MAF: variants seen among roughly 807,000 people sequenced by gnomAD.
MAF encodes MAF bZIP transcription factor.
In MAF, 10 loss-of-function variants were observed where a neutral mutation model predicts 22.0. That is an observed-to-expected ratio of 0.45 (90% confidence interval 0.28 to 0.77). The LOEUF (loss-of-function observed/expected upper bound fraction) is 0.77. Among genes scored for constraint, MAF ranks in the 30% least tolerant of loss-of-function variants. The pLI is 0.12. For missense variants in MAF, 544 were observed against 548.4 expected (o/e 0.99, Z 0.08); for synonymous variants, 337 against 255.8 (o/e 1.32, Z -3.03).
At chr16:79,526,497 G>T in the MAF span, among the ~76,000 whole-genome samples, 6 of 152,174 alleles carry the variant, frequency 3.9e-5, no homozygotes, top group Non-Finnish European at 8.8e-5. Flanking sequence ...AAGGTCAGTG[G>T]CTGGGGGTTA....
the MAF span, among the ~76,000 whole-genome samples, chr16:79,373,168 C>T: frequency 6.6e-6 from 1 of 151,916 alleles, no homozygotes; most frequent in South Asian, 2.1e-4. Flanking sequence ...TTAATAGCAC[C>T]TAGTAGCATA....
downstream of MAF, among the ~76,000 whole-genome samples, chr16:79,590,467 G>C (rs537308114): frequency 1.3e-5 from 2 of 152,188 alleles, no homozygotes; most frequent in Non-Finnish European, 1.5e-5. Context: ...TCTGCCACTT[G>C]TTGGCCTGAG....
chr16:79,356,676 C>G, the MAF span, among the ~76,000 whole-genome samples: 1 of 152,306 alleles, frequency 6.6e-6, no homozygotes, highest in East Asian at 1.9e-4. Flanking sequence ...ACACTTCCCC[C>G]CACTTTCCAC....
At chr16:79,293,936 A>G in the MAF span, among the ~76,000 whole-genome samples, 3 of 151,854 alleles carry the variant, frequency 2.0e-5, no homozygotes, top group South Asian at 2.1e-4. Context: ...AGTCCCATGT[A>G]CTCCACGGTT....
the MAF span, among the ~76,000 whole-genome samples, chr16:79,520,654 G>GA: frequency 1.3e-5 from 2 of 152,144 alleles, no homozygotes; most frequent in Non-Finnish European, 2.9e-5. Flanking sequence ...GAGACAGAGA[G>GA]AAAAAAAGCA....
At chr16:79,345,726 C>CG in the MAF span, among the ~76,000 whole-genome samples, 1 of 68,340 alleles carries the variant, frequency 1.5e-5, no homozygotes, top group Non-Finnish European at 2.5e-5. Context: ...GACTCCGTCT[C>CG]AAAAAAAAAA....
the MAF span, among the ~76,000 whole-genome samples, chr16:79,312,545 G>A: frequency 6.6e-6 from 1 of 152,120 alleles, no homozygotes; most frequent in Non-Finnish European, 1.5e-5. Flanking sequence ...TCTTTTGTTC[G>A]AATTTCCACG....
At chr16:79,265,814 C>T in the MAF span, among the ~76,000 whole-genome samples, 9 of 152,174 alleles carry the variant, frequency 5.9e-5, no homozygotes, top group Admixed American at 2.6e-4. Context: ...AGCATCTCGA[C>T]TCTAGTTCTT....
At chr16:79,345,403 G>C in the MAF span, among the ~76,000 whole-genome samples, 2 of 152,098 alleles carry the variant, frequency 1.3e-5, no homozygotes, top group African/African-American at 2.4e-5. Flanking sequence ...AAAGGAGAAA[G>C]AACTTGTATT....
At chr16:79,276,143 GAA>G in the MAF span, among the ~76,000 whole-genome samples, 2 of 41,608 alleles carry the variant, frequency 4.8e-5, no homozygotes, top group Non-Finnish European at 6.2e-5. Flanking sequence ...CCATCTCAAA[GAA>G]AAAAAAAGAA....
chr16:79,448,018 G>C, the MAF span, among the ~76,000 whole-genome samples: 1 of 151,774 alleles, frequency 6.6e-6, no homozygotes, highest in East Asian at 1.9e-4. Context: ...AAAAAAGAAA[G>C]TGTCTTCCTG....
chr16:79,430,743 G>T, the MAF span, among the ~76,000 whole-genome samples: 1 of 152,184 alleles, frequency 6.6e-6, no homozygotes, highest in African/African-American at 2.4e-5. Context: ...AATACATAAA[G>T]CCCAGTCCTT....
chr16:79,370,412 A>T, the MAF span, among the ~76,000 whole-genome samples: 11 of 152,242 alleles, frequency 7.2e-5, no homozygotes, highest in Non-Finnish European at 1.2e-4. Flanking sequence ...ACACCTCTGG[A>T]CTCACAGAGG....
chr16:79,320,624 ATGGT>A, the MAF span, among the ~76,000 whole-genome samples: 1 of 152,170 alleles, frequency 6.6e-6, no homozygotes, highest in Non-Finnish European at 1.5e-5. Context: ...TCCTTCACTA[ATGGT>A]GTGGCTTTGG....
the MAF span, among the ~76,000 whole-genome samples, chr16:79,519,832 G>A: frequency 6.6e-6 from 1 of 152,236 alleles, no homozygotes; most frequent in African/African-American, 2.4e-5. Context: ...CTGTCACCAT[G>A]TGGGGAAAAA....
At chr16:79,259,566 G>C in the MAF span, among the ~76,000 whole-genome samples, 2 of 152,206 alleles carry the variant, frequency 1.3e-5, no homozygotes, top group Non-Finnish European at 2.9e-5. Flanking sequence ...AGGGCACGTA[G>C]TAGGTGCTCC....
At chr16:79,540,954 C>T in the MAF span, among the ~76,000 whole-genome samples, 3 of 152,040 alleles carry the variant, frequency 2.0e-5, no homozygotes, top group East Asian at 1.9e-4. Flanking sequence ...TTGCTATTAC[C>T]GCTAGTACTA....
At chr16:79,411,344 T>A in the MAF span, among the ~76,000 whole-genome samples, 1 of 152,220 alleles carries the variant, frequency 6.6e-6, no homozygotes. Flanking sequence ...ATGAACATCA[T>A]CTAAATAATT....
chr16:79,398,951 A>G, the MAF span, among the ~76,000 whole-genome samples: 1 of 152,164 alleles, frequency 6.6e-6, no homozygotes, highest in South Asian at 2.1e-4. Context: ...GATTGCCTGC[A>G]GTGTTGTCCA....
Sources: gnomAD v4.1 joint callset for allele counts (sites outside exome capture counted in the v4.1 genomes callset) on GRCh38, gnomAD v4.1.1 for gene constraint, MANE v1.5 for transcripts, NCBI Gene and HGNC (gene_info 2026-07-23, HGNC 2026-07-21) for gene names.